TF: variants seen among roughly 807,000 people sequenced by gnomAD.
TF encodes the protein serotransferrin.
Under a neutral mutation model 82.4 loss-of-function variants are expected in TF, and 55 were observed. The observed-to-expected ratio is 0.67, with a 90% CI of 0.54 to 0.84. The LOEUF (loss-of-function observed/expected upper bound fraction) is 0.84, where lower values mean the gene tolerates loss of function less well. Ranked by LOEUF, TF falls within the 40% of genes least tolerant of loss-of-function variation. TF has a pLI of 0.00. For missense variants in TF, 737 were observed against 868.4 expected, an observed-to-expected ratio of 0.85 and a Z score of 1.90; for synonymous variants, 332 against 332.6, an observed-to-expected ratio of 1.00 and a Z score of 0.02.
chr3:133,759,214 G>T lies in TF; in HGVS notation c.1088G>T (p.Trp363Leu). The T allele has an allele frequency of 6.2e-7, 1 of 1,614,168 alleles. No homozygotes were observed. The highest frequency in any genetic ancestry group is 8.5e-7 in the Non-Finnish European group (1 of 1,180,024). The change falls in exon 9 of 17, where the codon TGG (tryptophan) becomes TTG (leucine). Residue 363 changes from tryptophan to leucine, a missense_variant. Coordinates refer to ENST00000402696, the MANE Select transcript of TF (RefSeq NM_001063.4). ...APTDECKPVK[W>L]CALSHHERLK... Reference sequence around the variant, plus strand: ...ACAGATGAATGCAAGCCTGTGAAGTGGTGTGCGCTGAGCCACCACGAGAGG... The same window carrying T: ...ACAGATGAATGCAAGCCTGTGAAGTTGTGTGCGCTGAGCCACCACGAGAGG...
chr3:133,750,943 AC>A (rs1338395974), intron 2 of TF, among the ~76,000 whole-genome samples: 1 of 152,182 alleles, frequency 6.6e-6, no homozygotes, highest in Admixed American at 6.5e-5. Flanking sequence ...TGCAGATTAA[AC>A]AAAACCACGA....
At chr3:133,680,862 A>G in the TF span, among the ~76,000 whole-genome samples, 1 of 151,958 alleles carries the variant, frequency 6.6e-6, no homozygotes, top group East Asian at 1.9e-4. Context: ...ATTAAGCTGA[A>G]CTCCAGTTAT....
At chr3:133,762,117 A>T (rs1934010549) in intron 9 of TF, 1 of 213,662 alleles carries the variant, frequency 4.7e-6, no homozygotes, top group Non-Finnish European at 1.0e-5. Flanking sequence ...TTTACAGATG[A>T]TCGATCATAA....
the TF span, chr3:133,694,456 C>T: frequency 6.5e-6 from 1 of 152,890 alleles, no homozygotes. Flanking sequence ...CCACCTAGAG[C>T]ATCAGTGAGA....
the TF span, among the ~76,000 whole-genome samples, chr3:133,733,781 G>A: frequency 6.6e-6 from 1 of 152,066 alleles, no homozygotes; most frequent in East Asian, 1.9e-4. Context: ...TCCTGTAGAG[G>A]AGATGATTAA....
the TF span, among the ~76,000 whole-genome samples, chr3:133,714,565 C>G: frequency 3.3e-5 from 5 of 152,212 alleles, no homozygotes; most frequent in Non-Finnish European, 7.3e-5. Context: ...GCTTGATGGT[C>G]TGTCTAGAAC....
rs1162247926 is a variant in TF at position 133,785,453 on chromosome 3, T to G, written c.*6833T>G. 9 of 98,664 alleles carry G rather than the reference T, an allele frequency of 9.1e-5. No homozygotes were observed. The highest frequency in any genetic ancestry group is 9.6e-5 in the Admixed American group (1 of 10,434). 6.1% of individuals were successfully genotyped at this position (98,664 alleles called of 1,614,324 possible). On this transcript the variant is annotated 3_prime_UTR_variant, in exon 17 of 17. Transcript: ENST00000402696. Reference sequence around the variant, plus strand: ...CTCGTCCGGGAGGGAGGTGGGGGGGTCAGCCCCCCGCCCGGCCAGCCGCCC... The same window carrying G: ...CTCGTCCGGGAGGGAGGTGGGGGGGGCAGCCCCCCGCCCGGCCAGCCGCCC...
At position 133,780,990 on chromosome 3, in the gene TF, T is replaced by G. The variant is rs943598113; in HGVS notation, c.*2370T>G. On this transcript the variant is annotated 3_prime_UTR_variant, in exon 17 of 17. Transcript: ENST00000402696. ...GTCGCACCAGAGCACTCCAGCCTAGTGACAGAGCAAGACTCTGTCTGGAAA... is the reference window on the plus strand; with the variant it reads ...GTCGCACCAGAGCACTCCAGCCTAGGGACAGAGCAAGACTCTGTCTGGAAA... The G allele has an allele frequency of 6.7e-6, 1 of 148,628 alleles. No individual in the cohort carries two copies. The highest frequency in any genetic ancestry group is 1.5e-5 in the Non-Finnish European group (1 of 67,128). 9.2% of individuals were successfully genotyped at this position (148,628 alleles called of 1,614,324 possible).
At chr3:133,681,068 A>G in the TF span, among the ~76,000 whole-genome samples, 5 of 152,212 alleles carry the variant, frequency 3.3e-5, no homozygotes, top group Admixed American at 2.6e-4. Flanking sequence ...AATACTACAG[A>G]TTTGTAAACA....
the TF span, among the ~76,000 whole-genome samples, chr3:133,687,566 A>C: frequency 2.5e-3 from 378 of 152,312 alleles, 1 homozygote; most frequent in Non-Finnish European, 3.0e-3. Flanking sequence ...CATACCCATT[A>C]AACAGTCAGT....
upstream of TF, among the ~76,000 whole-genome samples, chr3:133,741,233 G>C (rs1036615691): frequency 2.0e-5 from 3 of 151,818 alleles, no homozygotes; most frequent in Non-Finnish European, 4.4e-5. Context: ...CTCAGGTGAT[G>C]CTGCCTGCTT....
At chr3:133,715,748 A>T in the TF span, among the ~76,000 whole-genome samples, 1 of 152,152 alleles carries the variant, frequency 6.6e-6, no homozygotes, top group Non-Finnish European at 1.5e-5. Context: ...TTTTTCAATG[A>T]TCTACAGAAA....
chr3:133,739,507 C>G, the TF span, among the ~76,000 whole-genome samples: 1 of 152,036 alleles, frequency 6.6e-6, no homozygotes, highest in South Asian at 2.1e-4. Context: ...GCAAAAGAAG[C>G]TATCATCAGA....
the TF span, among the ~76,000 whole-genome samples, chr3:133,732,431 C>T: frequency 6.6e-6 from 1 of 152,184 alleles, no homozygotes; most frequent in African/African-American, 2.4e-5. Flanking sequence ...CCAATCAGCT[C>T]TCTGTAAAAT....
chr3:133,691,187 T>A, the TF span, among the ~76,000 whole-genome samples: 3 of 152,136 alleles, frequency 2.0e-5, no homozygotes, highest in African/African-American at 7.2e-5. Context: ...TGATCCAACC[T>A]CATTGTGGAG....
chr3:133,721,321 A>G, the TF span, among the ~76,000 whole-genome samples: 1 of 152,036 alleles, frequency 6.6e-6, no homozygotes, highest in African/African-American at 2.4e-5. Context: ...GAATTTTTAA[A>G]TTTTCCTTTT....
chr3:133,770,572 G>A lies in TF; in HGVS notation c.1687G>A (p.Gly563Arg), dbSNP rs771889830. 1 of 1,614,104 alleles carries A rather than the reference G, an allele frequency of 6.2e-7. No individual in the cohort carries two copies. Among genetic ancestry groups the A allele is most frequent in the Non-Finnish European group, 8.5e-7 (1 of 1,180,002 alleles). Residue 563 changes from glycine to arginine, a missense_variant and splice_region_variant, in exon 14 of 17, where the codon GGA becomes AGA. Transcript: ENST00000402696. ...KHQTVPQNTG[G>R]KNPDPWAKNL... ...CCAGACTGTCCCACAGAACACTGGG[G>A]GTAAGTGCACCTGCTCCTCTGTCCC...
In TF at chr3:133,746,470, C is replaced by A; in HGVS notation, c.30C>A (p.Val10=). 1 of 1,599,392 alleles carries A rather than the reference C, an allele frequency of 6.3e-7. No homozygotes were observed. The highest frequency in any genetic ancestry group is 8.5e-7 in the Non-Finnish European group (1 of 1,177,074). ...GGCTCGCCGTGGGAGCCCTGCTGGT[C>A]TGCGCCGTCCTGGGTGAGTGCGGGC... MRLAVGALL[V]CAVLGLCLAV... Residue 10 remains valine, a synonymous_variant, in exon 1 of 17, where the codon GTC becomes GTA. Transcript: ENST00000402696.
At chr3:133,672,105 T>G in the TF span, among the ~76,000 whole-genome samples, 1 of 152,182 alleles carries the variant, frequency 6.6e-6, no homozygotes, top group Non-Finnish European at 1.5e-5. Flanking sequence ...TCAATAAATT[T>G]GAAAATTAGA....
Sources: allele counts gnomAD v4.1 joint callset (sites outside exome capture counted in the v4.1 genomes callset), GRCh38; gene constraint gnomAD v4.1.1; transcripts MANE v1.5; gene names NCBI Gene and HGNC (gene_info 2026-07-23, HGNC 2026-07-21).